Variants in EP300 observed in about 807,000 individuals in gnomAD.
The protein encoded by EP300 is histone acetyltransferase p300.
A neutral mutation model predicts 264.0 loss-of-function variants in EP300; 31 were observed. The observed-to-expected ratio is 0.12, with a 90% CI of 0.09 to 0.16. The LOEUF (loss-of-function observed/expected upper bound fraction) is 0.16. EP300 is among the 10% of genes least tolerant of loss of function. The pLI, the probability that EP300 is intolerant of heterozygous loss-of-function variation, is 1.00. For synonymous variants in EP300, 1,340 were observed against 1,045.4 expected, an observed-to-expected ratio of 1.28 and a Z score of -5.44; for missense variants, 2,766 against 3,052.9, an observed-to-expected ratio of 0.91 and a Z score of 2.21.
chr22:41,104,837 T>C (rs1196797427), intron 1 of EP300, among the ~76,000 whole-genome samples: 1 of 150,816 alleles, frequency 6.6e-6, no homozygotes, highest in Non-Finnish European at 1.5e-5. Context: ...CTGGCCAACA[T>C]GGTGAAACCC....
chr22:41,150,264 G>A, intron 14 of EP300, 66 bp downstream of exon 14: 2 of 1,495,458 alleles, frequency 1.3e-6, no homozygotes, highest in Non-Finnish European at 9.0e-7. Flanking sequence ...TTACTTCTGG[G>A]CCATTTCCAT....
At chr22:41,101,061 A>G (rs145921963) in intron 1 of EP300, among the ~76,000 whole-genome samples, 50 of 152,114 alleles carry the variant, frequency 3.3e-4, no homozygotes, top group African/African-American at 1.2e-3. Context: ...CTTGATAAAG[A>G]ACTGTGTTAA....
At chr22:41,164,650 G>A (rs957091688) in intron 22 of EP300, among the ~76,000 whole-genome samples, 1 of 152,202 alleles carries the variant, frequency 6.6e-6, no homozygotes, top group African/African-American at 2.4e-5. Context: ...GTGAGGGGGA[G>A]GTTGCAGTGA....
chr22:41,147,981 T>G (rs754495959), intron 12 of EP300, 35 bp downstream of exon 12: 2 of 1,427,308 alleles, frequency 1.4e-6, no homozygotes, highest in Admixed American at 2.1e-5. Context: ...TCTTTGGCCT[T>G]TACCTGGTAT....
At chr22:41,175,872 A>C (rs1183836921) in intron 29 of EP300, among the ~76,000 whole-genome samples, 1 of 152,242 alleles carries the variant, frequency 6.6e-6, no homozygotes, top group Non-Finnish European at 1.5e-5. Flanking sequence ...GAGGTAAAGC[A>C]GGAAAAGGAA....
intron 1 of EP300, among the ~76,000 whole-genome samples, chr22:41,101,911 A>C (rs2058733868): frequency 6.6e-6 from 1 of 152,158 alleles, no homozygotes; most frequent in South Asian, 2.1e-4. Flanking sequence ...TACAACACTT[A>C]AGGAAGAACT....
rs1206518678 is a variant in EP300 at position 41,168,703 on chromosome 22, A to G, written c.4026-18A>G. ...GAATGAGTTATGTTGTGGTTCCCCC[A>G]CCATCTCAATTGTATAGGTTTGTGG... On this transcript the variant is annotated intron_variant, in intron 24 of 30. Coordinates refer to ENST00000263253, the MANE Select transcript of EP300 (RefSeq NM_001429.4). 6.2e-6 allele frequency: 10 copies of G among 1,614,240 alleles called. No individual in the cohort carries two copies. The highest frequency in any genetic ancestry group is 8.5e-6 in the Non-Finnish European group (10 of 1,180,044).
chr22:41,097,022 T>C (rs1388779218), intron 1 of EP300, among the ~76,000 whole-genome samples: 1 of 152,242 alleles, frequency 6.6e-6, no homozygotes, highest in African/African-American at 2.4e-5. Flanking sequence ...ACTTGTGATA[T>C]GCTATGTTTT....
At position 41,160,831 on chromosome 22, in the gene EP300, T is replaced by A; in HGVS notation, c.3671+109T>A. On this transcript the variant is annotated intron_variant, in intron 20 of 30. Coordinates refer to ENST00000263253, the MANE Select transcript of EP300 (RefSeq NM_001429.4). ...CTATGCTGTTGAATATGGTAGCCAT[T>A]AGCCACATGTTGCTATTTAAATGCA... is the stretch of plus-strand genomic sequence containing the variant. The A allele has an allele frequency of 5.1e-6, 5 of 984,102 alleles. No homozygotes were observed. In the South Asian group the frequency reaches 6.7e-5, roughly 13 times the overall value. The allele number at this position is 984,102 out of a possible 1,614,324, so 61.0% of individuals were successfully genotyped here.
chr22:41,162,817 CT>C lies in EP300; in HGVS notation c.3728+42del, dbSNP rs567643750. On this transcript the variant is annotated intron_variant, in intron 21 of 30. Coordinates refer to ENST00000263253, the MANE Select transcript of EP300 (RefSeq NM_001429.4). ...CCCTTGAATAGTCAGTACGCTTTGG[CT>C]TTTCTTTTTCCCTTTCATTCTCTTG... The C allele has an allele frequency of 3.3e-3, 5,123 of 1,568,182 alleles. 30 individuals carry two copies. The highest frequency in any genetic ancestry group is 0.024 in the Admixed American group (1,441 of 59,924).
chr22:41,166,426 ATCTT>A (rs2059134867), intron 22 of EP300, among the ~76,000 whole-genome samples, 169 bp from the exon 23 acceptor site: 1 of 151,956 alleles, frequency 6.6e-6, no homozygotes, highest in Non-Finnish European at 1.5e-5. Context: ...ATTTTCAATT[ATCTT>A]TTTTATTCTT....
chr22:41,152,138 G>A (rs1248838638), intron 15 of EP300, 68 bp from the exon 16 acceptor site: 2 of 1,586,460 alleles, frequency 1.3e-6, no homozygotes, highest in Non-Finnish European at 1.7e-6. Context: ...CATGAGAAAG[G>A]GTGTTCAGAT....
At chr22:41,140,384 A>G in intron 9 of EP300, 127 bp downstream of exon 9, 1 of 782,222 alleles carries the variant, frequency 1.3e-6, no homozygotes, top group East Asian at 2.4e-5. Context: ...ATCCCGTCTT[A>G]TTGTCCCCAA....
chr22:41,126,296 G>T, intron 3 of EP300: 1 of 436,724 alleles, frequency 2.3e-6, no homozygotes, highest in African/African-American at 2.0e-5. Flanking sequence ...GAAGTTTTAG[G>T]GGCCTGCCAT....
chr22:41,135,526 G>A (rs1049925645), intron 6 of EP300, among the ~76,000 whole-genome samples: 50 of 150,522 alleles, frequency 3.3e-4, no homozygotes, highest in African/African-American at 1.1e-3. Flanking sequence ...CTGAAGTGCT[G>A]AGATTACAGG....
rs183352560 is a variant in EP300, at chr22:41,104,582, G to A, written c.94+11484G>A. On this transcript the variant is annotated intron_variant, in intron 1 of 30. Transcript: ENST00000263253. ...TGGGGTTACAGGCGTGAGCCACCAT[G>A]TCCGGCCTCATGTAGTTATTTTCAC... Among the ~76,000 whole-genome samples, 177 of 152,126 alleles carry A rather than the reference G, an allele frequency of 1.2e-3. 1 individual carries two copies. Among genetic ancestry groups the A allele is most frequent in the African/African-American group, 4.2e-3 (175 of 41,520 alleles).
chr22:41,129,334 G>GC (rs1336143789), intron 4 of EP300, among the ~76,000 whole-genome samples: 1 of 152,166 alleles, frequency 6.6e-6, no homozygotes, highest in African/African-American at 2.4e-5. Flanking sequence ...GTTTTTGTGA[G>GC]CAAGTATCTA....
rs2059184455 is a variant in EP300, at chr22:41,173,793, C to G, written c.4779+9C>G. 1 of 1,613,812 alleles carries G rather than the reference C, an allele frequency of 6.2e-7. No individual in the cohort carries two copies. Among genetic ancestry groups the G allele is most frequent in the Non-Finnish European group, 8.5e-7 (1 of 1,179,774 alleles). ...TGGAGAAGCATAAAGAGGTAAGATGCAGCCACCCAGAGTTGGGGAAAAACG... is the reference window on the plus strand; with the variant it reads ...TGGAGAAGCATAAAGAGGTAAGATGGAGCCACCCAGAGTTGGGGAAAAACG... On this transcript the variant is annotated intron_variant, in intron 29 of 30. Transcript: ENST00000263253.
At chr22:41,162,281 CAG>C (rs2059112456) in intron 20 of EP300, among the ~76,000 whole-genome samples, 1 of 152,088 alleles carries the variant, frequency 6.6e-6, no homozygotes, top group African/African-American at 2.4e-5. Flanking sequence ...GGAAGTATAA[CAG>C]AAGTCCAAGT....
Sources: gnomAD v4.1 joint callset for allele counts (sites outside exome capture counted in the v4.1 genomes callset) on GRCh38, gnomAD v4.1.1 for gene constraint, MANE v1.5 for transcripts, NCBI Gene and HGNC (gene_info 2026-07-23, HGNC 2026-07-21) for gene names.